The following CCNY variants were observed in gnomAD, a reference collection of about 807,000 sequenced individuals.
CCNY encodes cyclin Y.
Under a neutral mutation model 42.8 loss-of-function variants are expected in CCNY, and 19 were observed. The ratio of observed to expected loss-of-function variants is 0.44; its 90% CI spans 0.31 to 0.65. The LOEUF (loss-of-function observed/expected upper bound fraction) is 0.65. CCNY is among the 30% of genes least tolerant of loss of function. CCNY has a pLI of 0.07. For missense variants in CCNY, 370 were observed against 437.3 expected, an observed-to-expected ratio of 0.85 and a Z score of 1.37; for synonymous variants, 165 against 162.7, an observed-to-expected ratio of 1.01 and a Z score of -0.11.
chr10:35,559,472 T>C (rs537620204), intron 8 of CCNY, among the ~76,000 whole-genome samples: 1 of 152,258 alleles, frequency 6.6e-6, no homozygotes, highest in Admixed American at 6.5e-5. Flanking sequence ...AGCTGAAGAT[T>C]TAGAAATCTC....
At chr10:35,294,728 G>A (rs1486934132) in intron 3 of CCNY, among the ~76,000 whole-genome samples, 1 of 152,108 alleles carries the variant, frequency 6.6e-6, no homozygotes, top group East Asian at 1.9e-4. Flanking sequence ...TCTTGTTGGG[G>A]TTTAGTATGA....
At chr10:35,266,323 C>T (rs1225200218) in intron 3 of CCNY, among the ~76,000 whole-genome samples, 1 of 138,922 alleles carries the variant, frequency 7.2e-6, no homozygotes, top group African/African-American at 2.7e-5. Context: ...TGGTCTCAAA[C>T]TCCTGACCTC....
At chr10:35,269,631 G>GT (rs201449572) in intron 3 of CCNY, among the ~76,000 whole-genome samples, 2 of 127,446 alleles carry the variant, frequency 1.6e-5, no homozygotes, top group Non-Finnish European at 1.6e-5. Context: ...TTTTTTTTTT[G>GT]TTTTGTTTTT....
At chr10:35,401,783 GA>G (rs1329588374) in intron 1 of CCNY, among the ~76,000 whole-genome samples, 1 of 152,090 alleles carries the variant, frequency 6.6e-6, no homozygotes, top group Non-Finnish European at 1.5e-5. Flanking sequence ...GCAGGGGGTG[GA>G]TCTCACAGAG....
intron 2 of CCNY, among the ~76,000 whole-genome samples, chr10:35,491,365 G>T (rs974112235): frequency 6.6e-6 from 1 of 152,202 alleles, no homozygotes; most frequent in Non-Finnish European, 1.5e-5. Flanking sequence ...AGCAATGTCT[G>T]CTCATTGACT....
intron 3 of CCNY, among the ~76,000 whole-genome samples, chr10:35,327,070 G>A (rs573583073): frequency 6.6e-6 from 1 of 152,248 alleles, no homozygotes; most frequent in South Asian, 2.1e-4. Flanking sequence ...TTAATAAGGG[G>A]AAAAGCATTT....
intron 7 of CCNY, among the ~76,000 whole-genome samples, chr10:35,546,724 G>A (rs892742658): frequency 5.9e-5 from 9 of 152,130 alleles, no homozygotes; most frequent in Admixed American, 1.3e-4. Context: ...TCAGTTAGCC[G>A]TAATGGAATA....
chr10:35,534,956 C>G (rs1356783857), intron 7 of CCNY, among the ~76,000 whole-genome samples: 1 of 135,350 alleles, frequency 7.4e-6, no homozygotes, highest in Non-Finnish European at 1.5e-5. Context: ...GGGATACATA[C>G]ACACACACAC....
intron 7 of CCNY, among the ~76,000 whole-genome samples, chr10:35,549,532 G>A (rs78352940): frequency 2.1e-5 from 3 of 141,742 alleles, no homozygotes; most frequent in East Asian, 4.3e-4. Flanking sequence ...GCTGCTCATG[G>A]CCCATGACCC....
At chr10:35,351,611 G>T (rs919072956) in intron 1 of CCNY, among the ~76,000 whole-genome samples, 3 of 152,190 alleles carry the variant, frequency 2.0e-5, no homozygotes, top group Admixed American at 6.5e-5. Flanking sequence ...TACATAGTGG[G>T]TGCTTAGTTT....
At chr10:35,269,099 G>C (rs1251797821) in intron 3 of CCNY, among the ~76,000 whole-genome samples, 1 of 152,192 alleles carries the variant, frequency 6.6e-6, no homozygotes, top group Non-Finnish European at 1.5e-5. Flanking sequence ...ACTTTTTAAA[G>C]ATTTATGTGG....
chr10:35,521,310 T>C (rs928750978), intron 4 of CCNY, among the ~76,000 whole-genome samples: 3 of 152,206 alleles, frequency 2.0e-5, no homozygotes, highest in African/African-American at 7.2e-5. Context: ...CCTCTGAAGT[T>C]GGGCACTCCG....
intron 1 of CCNY, among the ~76,000 whole-genome samples, chr10:35,468,093 C>T (rs534741664): frequency 6.6e-6 from 1 of 152,340 alleles, no homozygotes; most frequent in South Asian, 2.1e-4. Context: ...CCTTACAGTT[C>T]AGGAAGCTGG....
chr10:35,543,806 T>G (rs1841054726), intron 7 of CCNY, among the ~76,000 whole-genome samples: 1 of 152,178 alleles, frequency 6.6e-6, no homozygotes, highest in African/African-American at 2.4e-5. Context: ...TTATTGCCTC[T>G]GGAGACCTGG....
chr10:35,421,137 C>T (rs1263031395), intron 1 of CCNY, among the ~76,000 whole-genome samples: 3 of 151,984 alleles, frequency 2.0e-5, no homozygotes, highest in South Asian at 2.1e-4. Flanking sequence ...TGGCTGAGGA[C>T]GGCCACACGG....
chr10:35,520,289 T>C (rs1051566490), intron 4 of CCNY, among the ~76,000 whole-genome samples: 9 of 152,174 alleles, frequency 5.9e-5, no homozygotes, highest in African/African-American at 1.7e-4. Context: ...GTGAAAAAGA[T>C]AGGAAGTTGT....
intron 1 of CCNY, among the ~76,000 whole-genome samples, chr10:35,438,049 G>T (rs1257175126): frequency 2.0e-5 from 3 of 151,962 alleles, no homozygotes; most frequent in Admixed American, 6.6e-5. Flanking sequence ...TCTCTCTCTC[G>T]AGAGTCTCTG....
At chr10:35,323,611 A>G (rs942191987) in intron 3 of CCNY, among the ~76,000 whole-genome samples, 3 of 152,192 alleles carry the variant, frequency 2.0e-5, no homozygotes, top group Admixed American at 2.0e-4. Context: ...CAGAAAACAG[A>G]TCAGGGCTTG....
intron 1 of CCNY, among the ~76,000 whole-genome samples, chr10:35,471,566 G>A (rs1002463346): frequency 2.0e-5 from 3 of 152,144 alleles, no homozygotes; most frequent in Non-Finnish European, 2.9e-5. Flanking sequence ...GAATACTGCC[G>A]AATTAAACTG....
Sources: allele counts gnomAD v4.1 joint callset (sites outside exome capture counted in the v4.1 genomes callset), GRCh38; gene constraint gnomAD v4.1.1; transcripts MANE v1.5; gene names NCBI Gene and HGNC (gene_info 2026-07-23, HGNC 2026-07-21).